Variants in GRIK2 observed in about 807,000 individuals in gnomAD.
The protein encoded by GRIK2 is glutamate receptor ionotropic, kainate 2.
A neutral mutation model predicts 100.3 loss-of-function variants in GRIK2; 32 were observed. That is an observed-to-expected ratio of 0.32 (90% CI 0.24 to 0.43). The LOEUF (loss-of-function observed/expected upper bound fraction) is 0.43. Ranked by LOEUF, GRIK2 falls within the 20% of genes least tolerant of loss-of-function variation. The pLI, the probability that GRIK2 is intolerant of heterozygous loss-of-function variation, is 1.00. For synonymous variants in GRIK2, 417 were observed against 389.4 expected (o/e 1.07, Z -0.83); for missense variants, 843 against 1,114.9 (o/e 0.76, Z 3.47).
At chr6:101,441,703 G>C (rs896435180) in intron 2 of GRIK2, among the ~76,000 whole-genome samples, 1 of 152,058 alleles carries the variant, frequency 6.6e-6, no homozygotes, top group Admixed American at 6.6e-5. Context: ...AAACATGTAT[G>C]GGGTTTGGTG....
At chr6:101,998,668 G>A (rs1794769990) in intron 14 of GRIK2, among the ~76,000 whole-genome samples, 1 of 152,032 alleles carries the variant, frequency 6.6e-6, no homozygotes, top group Non-Finnish European at 1.5e-5. Flanking sequence ...AGGTATAGAT[G>A]AAAGTTTTTG....
chr6:101,583,391 T>A (rs1288693710), intron 2 of GRIK2, among the ~76,000 whole-genome samples: 3 of 152,092 alleles, frequency 2.0e-5, no homozygotes, highest in Non-Finnish European at 4.4e-5. Flanking sequence ...TCCTGAACAA[T>A]GTAAAACTTC....
chr6:101,612,174 C>T lies in GRIK2; in HGVS notation c.116-9775C>T, dbSNP rs563901024. On this transcript the variant is annotated intron_variant, in intron 2 of 16. Coordinates refer to ENST00000369134, the MANE Select transcript of GRIK2 (RefSeq NM_021956.5). ...TTAGGAAGGCACTGAGGATGCTAGA[C>T]CTGTTTCACGGTCTTGCTAAAGCAG... 4.0e-5 allele frequency among the ~76,000 whole-genome samples: 6 copies of T among 151,246 alleles called. No homozygotes were observed. The South Asian group carries it at 1.2e-3, about 31-fold the overall frequency.
intron 8 of GRIK2, among the ~76,000 whole-genome samples, chr6:101,800,422 A>G (rs1216851589): frequency 6.6e-6 from 1 of 151,976 alleles, no homozygotes; most frequent in African/African-American, 2.4e-5. Flanking sequence ...ATACGTATAT[A>G]TTTTTCCTGT....
At chr6:101,772,537 A>C (rs1233416434) in intron 7 of GRIK2, among the ~76,000 whole-genome samples, 3 of 152,032 alleles carry the variant, frequency 2.0e-5, no homozygotes, top group African/African-American at 7.2e-5. Flanking sequence ...ATAAACTTAA[A>C]TAAATCCTTT....
At chr6:102,057,564 T>C (rs1247394493) in intron 16 of GRIK2, among the ~76,000 whole-genome samples, 1 of 151,990 alleles carries the variant, frequency 6.6e-6, no homozygotes, top group African/African-American at 2.4e-5. Flanking sequence ...CAATGAAGCA[T>C]TAACATTGCA....
chr6:101,772,988 G>C (rs1024375085), intron 7 of GRIK2, among the ~76,000 whole-genome samples: 6 of 151,984 alleles, frequency 3.9e-5, no homozygotes, highest in African/African-American at 1.2e-4. Flanking sequence ...AATAACATAA[G>C]TGTTGTTGAA....
intron 12 of GRIK2, among the ~76,000 whole-genome samples, chr6:101,893,558 A>T (rs28665172): frequency 0.084 from 12,729 of 151,678 alleles, 742 homozygotes; most frequent in Middle Eastern, 0.2. Context: ...TTCTGTTATT[A>T]TTATTACAAT....
At chr6:101,739,133 C>T (rs1583051561) in intron 7 of GRIK2, among the ~76,000 whole-genome samples, 1 of 152,178 alleles carries the variant, frequency 6.6e-6, no homozygotes, top group Non-Finnish European at 1.5e-5. Context: ...TACAAAATGT[C>T]ACAGTCACAG....
At chr6:101,795,530 G>T (rs544806490) in intron 7 of GRIK2, among the ~76,000 whole-genome samples, 1 of 152,198 alleles carries the variant, frequency 6.6e-6, no homozygotes, top group African/African-American at 2.4e-5. Flanking sequence ...GCTTGCTTCG[G>T]TTCAGTAGTG....
intron 2 of GRIK2, among the ~76,000 whole-genome samples, chr6:101,601,362 T>A (rs144692050): frequency 1.7e-4 from 26 of 151,820 alleles, no homozygotes; most frequent in African/African-American, 6.3e-4. Flanking sequence ...TTTTTATGTT[T>A]GTGTTCACCA....
rs181609185 is a variant in GRIK2 at position 101,998,119 on chromosome 6, G to A, written c.2086-37222G>A. Reference sequence around the variant, plus strand: ...GGACCACACACCTTTTCTCAATACTGCTCCTAATCATAGGCAACTACTGAT... The same window carrying A: ...GGACCACACACCTTTTCTCAATACTACTCCTAATCATAGGCAACTACTGAT... On this transcript the variant is annotated intron_variant, in intron 14 of 16. Coordinates refer to ENST00000369134, the MANE Select transcript of GRIK2 (RefSeq NM_021956.5). 3.4e-4 allele frequency among the ~76,000 whole-genome samples: 51 copies of A among 152,084 alleles called. 1 individual carries two copies. Among genetic ancestry groups the A allele is most frequent in the African/African-American group, 1.2e-3 (48 of 41,536 alleles).
intron 16 of GRIK2, among the ~76,000 whole-genome samples, chr6:102,058,548 A>T (rs2114514823): frequency 6.6e-6 from 1 of 151,692 alleles, no homozygotes; most frequent in African/African-American, 2.4e-5. Context: ...TCTTGGGCTC[A>T]GTTCTTCATT....
chr6:101,664,889 C>T, intron 4 of GRIK2, among the ~76,000 whole-genome samples: 1 of 152,130 alleles, frequency 6.6e-6, no homozygotes, highest in East Asian at 1.9e-4. Flanking sequence ...TTATAAAAAA[C>T]AACAACAAAA....
At chr6:101,712,707 A>C (rs1583006553) in intron 7 of GRIK2, among the ~76,000 whole-genome samples, 1 of 151,840 alleles carries the variant, frequency 6.6e-6, no homozygotes, top group East Asian at 1.9e-4. Context: ...CCATTGAGGG[A>C]TACAGCATTC....
chr6:101,927,975 G>A (rs1790015051), intron 13 of GRIK2: 1 of 162,486 alleles, frequency 6.2e-6, no homozygotes, highest in Non-Finnish European at 1.4e-5. Context: ...ACATGCACAT[G>A]AAAAGTGAAA....
intron 7 of GRIK2, among the ~76,000 whole-genome samples, chr6:101,790,722 A>G (rs1215949694): frequency 6.6e-6 from 1 of 151,144 alleles, no homozygotes; most frequent in Admixed American, 6.6e-5. Flanking sequence ...CGGGCCTCAT[A>G]AAATGAGTTA....
chr6:101,611,689 T>C (rs552083694), intron 2 of GRIK2, among the ~76,000 whole-genome samples: 1 of 151,826 alleles, frequency 6.6e-6, no homozygotes, highest in South Asian at 2.1e-4. Context: ...GTGGGAGATA[T>C]TTTTCAGCGT....
chr6:101,861,409 A>C (rs1469772879), intron 11 of GRIK2, among the ~76,000 whole-genome samples: 1 of 152,182 alleles, frequency 6.6e-6, no homozygotes, highest in Non-Finnish European at 1.5e-5. Flanking sequence ...CAGTGAGATC[A>C]GTATTAAGTT....
Sources: allele counts gnomAD v4.1 joint callset (sites outside exome capture counted in the v4.1 genomes callset), GRCh38; gene constraint gnomAD v4.1.1; transcripts MANE v1.5; gene names NCBI Gene and HGNC (gene_info 2026-07-23, HGNC 2026-07-21).